MCTP1: variants seen among roughly 807,000 people sequenced by gnomAD.
The protein encoded by MCTP1 is multiple C2 and transmembrane domain containing 1.
A neutral mutation model predicts 120.6 loss-of-function variants in MCTP1; 69 were observed. The observed-to-expected ratio is 0.57, with a 90% CI of 0.47 to 0.70. MCTP1 has a LOEUF of 0.70. Ranked by LOEUF, MCTP1 falls within the 30% of genes least tolerant of loss-of-function variation. The probability of loss-of-function intolerance (pLI) is 0.00; values close to 1 mark genes in which losing one functional copy is unlikely to be tolerated. For missense variants in MCTP1, 1,203 were observed against 1,248.8 expected (o/e 0.96, Z 0.55); for synonymous variants, 529 against 493.1 (o/e 1.07, Z -0.96).
chr5:94,762,741 C>T (rs1771639426), intron 19 of MCTP1, among the ~76,000 whole-genome samples: 1 of 152,160 alleles, frequency 6.6e-6, no homozygotes, highest in Non-Finnish European at 1.5e-5. Context: ...GTTTCTTCAC[C>T]ACCAGACAAG....
chr5:94,729,195 G>C (rs1413130148), intron 19 of MCTP1, among the ~76,000 whole-genome samples: 2 of 152,176 alleles, frequency 1.3e-5, no homozygotes, highest in Non-Finnish European at 2.9e-5. Context: ...TGAACACAAG[G>C]AAGTAGCTAC....
intron 1 of MCTP1, among the ~76,000 whole-genome samples, chr5:95,028,739 T>C (rs760251260): frequency 3.9e-5 from 6 of 152,250 alleles, no homozygotes; most frequent in Non-Finnish European, 8.8e-5. Context: ...GATACAAATT[T>C]TGTTGAAGAA....
chr5:94,770,702 C>G (rs1315884972), intron 19 of MCTP1, among the ~76,000 whole-genome samples: 1 of 152,188 alleles, frequency 6.6e-6, no homozygotes, highest in Non-Finnish European at 1.5e-5. Flanking sequence ...GCCGGAATCA[C>G]TAGAAAACTC....
rs1340537128 is a variant in MCTP1, at chr5:94,796,605, A to AAT, written c.2556+2406_2556+2407dup. 8.9e-5 allele frequency among the ~76,000 whole-genome samples: 8 copies of AAT among 90,100 alleles called. No individual in the cohort carries two copies. The East Asian group carries it at 1.8e-3, about 20-fold the overall frequency. The allele number at this position is 90,100 out of a possible 152,430, so 59.1% of individuals were successfully genotyped here. A position where few individuals can be genotyped will look rare whatever the true frequency, so the allele number is the denominator to read the frequency against. On this transcript the variant is annotated intron_variant, in intron 18 of 22. Coordinates refer to ENST00000515393, the MANE Select transcript of MCTP1 (RefSeq NM_024717.7). ...TACACACACACACACACATATATAT[A>AAT]ATATATATAATATATATAATATATA...
chr5:94,862,339 ATG>A (rs1389610247), intron 17 of MCTP1, among the ~76,000 whole-genome samples: 1 of 151,812 alleles, frequency 6.6e-6, no homozygotes, highest in African/African-American at 2.4e-5. Context: ...CCTGTGGCTT[ATG>A]TGATTATCTC....
chr5:94,975,117 G>A (rs1018328009), intron 2 of MCTP1, among the ~76,000 whole-genome samples: 3 of 152,104 alleles, frequency 2.0e-5, no homozygotes, highest in Admixed American at 1.3e-4. Context: ...CCAAGCAGCA[G>A]TGAAGCTTGA....
chr5:95,087,899 G>A (rs1394046529), intron 1 of MCTP1, among the ~76,000 whole-genome samples: 1 of 152,122 alleles, frequency 6.6e-6, no homozygotes, highest in East Asian at 1.9e-4. Context: ...AAACTTGAGG[G>A]AGTTGAGGAG....
At chr5:94,927,715 A>T (rs987942791) in intron 6 of MCTP1, among the ~76,000 whole-genome samples, 6 of 152,182 alleles carry the variant, frequency 3.9e-5, no homozygotes, top group Non-Finnish European at 7.4e-5. Context: ...AAATTAAAGC[A>T]CTTAGAGTTT....
At chr5:95,071,105 C>A (rs899802104) in intron 1 of MCTP1, among the ~76,000 whole-genome samples, 1 of 152,156 alleles carries the variant, frequency 6.6e-6, no homozygotes, top group African/African-American at 2.4e-5. Flanking sequence ...CAAAGCACAT[C>A]TGAGCAGCAA....
chr5:94,800,872 G>A lies in MCTP1; in HGVS notation c.2437-1740C>T, dbSNP rs140370154. On this transcript the variant is annotated intron_variant, in intron 17 of 22. Coordinates refer to ENST00000515393, the MANE Select transcript of MCTP1 (RefSeq NM_024717.7). ...CTGCATAAGAAAAGTTCCAAATATTGTAATACATGAAACATGAGCCATATC... is the reference window on the plus strand; with the variant it reads ...CTGCATAAGAAAAGTTCCAAATATTATAATACATGAAACATGAGCCATATC... Among the ~76,000 whole-genome samples the A allele has an allele frequency of 6.2e-3, 943 of 152,036 alleles. 14 individuals are homozygous for A. Among genetic ancestry groups the A allele is most frequent in the African/African-American group, 0.022 (894 of 41,520 alleles).
rs1760196779 is a variant in MCTP1, at chr5:95,280,134, G to A, written c.720+3722C>T. Among the ~76,000 whole-genome samples the A allele has an allele frequency of 2.0e-5, 3 of 152,112 alleles. No homozygotes were observed. The South Asian group carries it at 6.2e-4, about 31-fold the overall frequency. On this transcript the variant is annotated intron_variant, in intron 1 of 22. Transcript: ENST00000515393. ...TGTTAAATATGTGCTTTATTTAAAA[G>A]CTCAGCTAATAAAGCAAGATACACT...
At chr5:95,085,547 C>A (rs1017894187) in intron 1 of MCTP1, among the ~76,000 whole-genome samples, 1 of 151,776 alleles carries the variant, frequency 6.6e-6, no homozygotes, top group Non-Finnish European at 1.5e-5. Flanking sequence ...TAATTTATTG[C>A]TATTATCAAA....
At chr5:94,841,084 C>T (rs1349459536) in intron 17 of MCTP1, among the ~76,000 whole-genome samples, 2 of 152,168 alleles carry the variant, frequency 1.3e-5, no homozygotes, top group African/African-American at 2.4e-5. Context: ...AAGCATAGAG[C>T]TGGCTGCTTG....
At chr5:95,179,027 A>G (rs1158200351) in intron 1 of MCTP1, among the ~76,000 whole-genome samples, 4 of 152,254 alleles carry the variant, frequency 2.6e-5, no homozygotes, top group African/African-American at 7.2e-5. Context: ...AGAGAAATGC[A>G]AAATGCATTG....
At chr5:94,804,386 T>C (rs746714543) in intron 17 of MCTP1, among the ~76,000 whole-genome samples, 4 of 152,244 alleles carry the variant, frequency 2.6e-5, no homozygotes, top group Non-Finnish European at 2.9e-5. Context: ...AAGTGATACA[T>C]GTGAAGATGC....
intron 1 of MCTP1, among the ~76,000 whole-genome samples, chr5:95,230,605 T>G (rs139877133): frequency 6.6e-6 from 1 of 152,272 alleles, no homozygotes; most frequent in African/African-American, 2.4e-5. Flanking sequence ...TTAACCCAGT[T>G]TGCCTGAGGC....
At chr5:95,001,707 C>T (rs773077433) in intron 2 of MCTP1, among the ~76,000 whole-genome samples, 11 of 152,058 alleles carry the variant, frequency 7.2e-5, no homozygotes, top group Non-Finnish European at 1.5e-4. Flanking sequence ...TTCTAAGCGG[C>T]AAACTGTTCA....
intron 19 of MCTP1, among the ~76,000 whole-genome samples, chr5:94,722,031 C>T (rs1580315080): frequency 6.6e-6 from 1 of 151,222 alleles, no homozygotes. Flanking sequence ...TAAAACATCA[C>T]TAACTGTAAA....
At chr5:94,857,584 T>C (rs192943312) in intron 17 of MCTP1, among the ~76,000 whole-genome samples, 1 of 151,752 alleles carries the variant, frequency 6.6e-6, no homozygotes, top group Non-Finnish European at 1.5e-5. Context: ...AAATACTTTT[T>C]CATACTGATA....
Sources: allele counts gnomAD v4.1 joint callset (sites outside exome capture counted in the v4.1 genomes callset), GRCh38; gene constraint gnomAD v4.1.1; transcripts MANE v1.5; gene names NCBI Gene and HGNC (gene_info 2026-07-23, HGNC 2026-07-21).